The following UNCX variants were observed in gnomAD, a reference collection of about 807,000 sequenced individuals.
The protein encoded by UNCX is UNC homeobox.
A neutral mutation model predicts 14.8 loss-of-function variants in UNCX; 4 were observed. The observed-to-expected ratio is 0.27, with a 90% CI of 0.13 to 0.62. The LOEUF (loss-of-function observed/expected upper bound fraction) is 0.62. UNCX is among the 20% of genes least tolerant of loss of function. The pLI is 0.86. For missense variants in UNCX, 749 were observed against 786.8 expected (o/e 0.95, Z 0.58); for synonymous variants, 459 against 395.8 (o/e 1.16, Z -1.90).
At position 1,235,623 on chromosome 7, in the gene UNCX, G is replaced by A. The variant is rs992724801; in HGVS notation, c.451-209G>A. Among the ~76,000 whole-genome samples the A allele has an allele frequency of 3.3e-5, 5 of 152,370 alleles. No individual in the cohort carries two copies. In the East Asian group the frequency reaches 9.7e-4, roughly 29 times the overall value. ...AAGCTGGCCGAGAGGCCCCGTCTAC[G>A]CGCCTTCCGGGTGGAAAAGGCGCTC... On this transcript the variant is annotated intron_variant, in intron 2 of 2. Coordinates refer to ENST00000316333, the MANE Select transcript of UNCX (RefSeq NM_001080461.3).
At chr7:1,234,514 G>C (rs2128272516) in intron 2 of UNCX, among the ~76,000 whole-genome samples, 1 of 151,940 alleles carries the variant, frequency 6.6e-6, no homozygotes, top group African/African-American at 2.4e-5. Context: ...TGCGGTGTGC[G>C]GTTGTGGGTG....
In UNCX at chr7:1,236,963, C is replaced by G. The variant is rs1175757629; in HGVS notation, c.1582C>G (p.Leu528Val). Residue 528 changes from leucine (L) to valine (V), a missense_variant, in exon 3 of 3, where the codon CTG (leucine) becomes GTG (valine). This residue lies in a region of UNCX where 552 missense variants were observed against 507.2 expected (regional missense o/e 1.09). Transcript: ENST00000316333. The surrounding 1 kb of genome is among the most constrained non-coding windows in gnomAD (Gnocchi z 6.9). ...ACCCAGCCCGCCGGAGGGCGAGGAG[C>G]TGGACATGGACTGAGGCCGCGGCGG... The part of the protein sequence containing the change: ...AGPSPPEGEE[L>V]DMD 1 of 1,198,862 alleles carries G rather than the reference C, an allele frequency of 8.3e-7. No homozygotes were observed. The highest frequency in any genetic ancestry group is 1.0e-6 in the Non-Finnish European group (1 of 966,458). 74.3% of individuals were successfully genotyped at this position (1,198,862 alleles called of 1,614,324 possible). A position where few individuals can be genotyped will look rare whatever the true frequency, so the allele number is the denominator to read the frequency against.
At position 1,236,352 on chromosome 7, in the gene UNCX, CG is replaced by C. The variant is rs1339411514; in HGVS notation, c.975del (p.Leu326CysfsTer47). 1 of 1,311,432 alleles carries C rather than the reference CG, an allele frequency of 7.6e-7. No homozygotes were observed. The highest frequency in any genetic ancestry group is 1.8e-5 in the South Asian group (1 of 55,832). The allele number at this position is 1,311,432 out of a possible 1,614,324, so 81.2% of individuals were successfully genotyped here. ...GTGGCGGCGGTGGAGCGCGGCGCCG[CG>C]GGGCTGCCCAAGGCCAGCCCATTCA... ...AAVAAVERGA[A>X]GLPKASPFSV... On this transcript the variant is annotated frameshift_variant, in exon 3 of 3. Transcript: ENST00000316333. LOFTEE classifies it low-confidence loss of function (END_TRUNC). The surrounding 1 kb of genome is among the most constrained non-coding windows in gnomAD (Gnocchi z 6.9).
Position 1,237,001 on chromosome 7 carries a change from C to T in UNCX, c.*24C>T. On this transcript the variant is annotated 3_prime_UTR_variant, in exon 3 of 3. Transcript: ENST00000316333. This position sits in a 1 kb window ranked among gnomAD's most constrained non-coding sequence, Gnocchi z 5.8. ...GAGGCCGCGGCGGCCGGGAGAGGCG[C>T]GTAGCCGGCCCGCGGCCGCTCGCTC... 2 of 1,173,362 alleles carry T rather than the reference C, an allele frequency of 1.7e-6. No homozygotes were observed. Among genetic ancestry groups the T allele is most frequent in the Non-Finnish European group, 2.1e-6 (2 of 950,014 alleles). The allele number at this position is 1,173,362 out of a possible 1,614,324, so 72.7% of individuals were successfully genotyped here. A position where few individuals can be genotyped will look rare whatever the true frequency, so the allele number is the denominator to read the frequency against.
Position 1,232,939 on chromosome 7 carries a change from G to T in UNCX, c.-79G>T. On this transcript the variant is annotated 5_prime_UTR_variant, in exon 1 of 3. Transcript: ENST00000316333. ...CCCTGTCTCCGCCGCCGCCGCCCGCGCCTCCCGCCGCTGGCCCGCCCCGGC... is the reference window on the plus strand; with the variant it reads ...CCCTGTCTCCGCCGCCGCCGCCCGCTCCTCCCGCCGCTGGCCCGCCCCGGC... 1 of 746,128 alleles carries T rather than the reference G, an allele frequency of 1.3e-6. No homozygotes were observed. Among genetic ancestry groups the T allele is most frequent in the Non-Finnish European group, 1.6e-6 (1 of 614,488 alleles). The allele number at this position is 746,128 out of a possible 1,614,324, so 46.2% of individuals were successfully genotyped here.
chr7:1,236,347 C>A lies in UNCX; in HGVS notation c.966C>A (p.Gly322=). The change falls in exon 3 of 3, where the codon GGC becomes GGA. Residue 322 remains glycine (G), a synonymous_variant. Transcript: ENST00000316333. The surrounding 1 kb of genome is among the most constrained non-coding windows in gnomAD (Gnocchi z 6.9). ...CCGCTGTGGCGGCGGTGGAGCGCGG[C>A]GCCGCGGGGCTGCCCAAGGCCAGCC... is the stretch of plus-strand genomic sequence containing the variant. ...PGAAVAAVER[G]AAGLPKASPF... 7.7e-7 allele frequency: 1 copy of A among 1,299,982 alleles called. No homozygotes were observed. The highest frequency in any genetic ancestry group is 9.8e-7 in the Non-Finnish European group (1 of 1,023,506). The allele number at this position is 1,299,982 out of a possible 1,614,324, so 80.5% of individuals were successfully genotyped here.
chr7:1,236,312 G>T lies in UNCX; in HGVS notation c.931G>T (p.Gly311Trp), dbSNP rs756686299. The T allele has an allele frequency of 7.7e-7, 1 of 1,291,668 alleles. No homozygotes were observed. The highest frequency in any genetic ancestry group is 2.0e-5 in the South Asian group (1 of 50,210). The allele number at this position is 1,291,668 out of a possible 1,614,324, so 80.0% of individuals were successfully genotyped here. A position where few individuals can be genotyped will look rare whatever the true frequency, so the allele number is the denominator to read the frequency against. The part of the protein sequence containing the change: ...RPADKDAASC[G>W]PGAAVAAVER... The stretch of plus-strand genomic sequence containing the variant: ...TGCGGACAAGGACGCGGCCTCGTGC[G>T]GGCCAGGGGCCGCTGTGGCGGCGGT... The change falls in exon 3 of 3, where the codon GGG (glycine) becomes TGG (tryptophan). Residue 311 changes from glycine to tryptophan, a missense_variant. Physicochemically the swap from Gly to Trp is radical, Grantham distance 184. Around this residue, in one of 3 missense-constraint regions of UNCX, gnomAD observed 552 missense variants for 507.2 expected, o/e 1.09. Coordinates refer to ENST00000316333, the MANE Select transcript of UNCX (RefSeq NM_001080461.3). The surrounding 1 kb of genome is among the most constrained non-coding windows in gnomAD (Gnocchi z 6.9).
At chr7:1,234,413 C>T (rs1778703892) in intron 2 of UNCX, among the ~76,000 whole-genome samples, 1 of 151,900 alleles carries the variant, frequency 6.6e-6, no homozygotes, top group Admixed American at 6.6e-5. Context: ...ATTAAAAATT[C>T]CAAGATGATT....
At chr7:1,234,926 T>G (rs1437607285) in intron 2 of UNCX, among the ~76,000 whole-genome samples, 1 of 151,990 alleles carries the variant, frequency 6.6e-6, no homozygotes, top group Non-Finnish European at 1.5e-5. Flanking sequence ...CGCGCCCTCC[T>G]GGGGAGGGCA....
Position 1,233,259 on chromosome 7 carries a change from TCGGCGGGGA to T in UNCX, c.247_255del (p.Gly83_Gly85del). The T allele has an allele frequency of 7.4e-7, 1 of 1,348,110 alleles. No homozygotes were observed. Among genetic ancestry groups the T allele is most frequent in the Non-Finnish European group, 9.5e-7 (1 of 1,057,134 alleles). 83.5% of individuals were successfully genotyped at this position (1,348,110 alleles called of 1,614,324 possible). Reference sequence around the variant, plus strand: ...CCGCTGCTGCCAGCCGCCTGCGGGGTCGGCGGGGACGGCCAGCCCTTCAAGCTGTCAGGT... The same window carrying T: ...CCGCTGCTGCCAGCCGCCTGCGGGGTCGGCCAGCCCTTCAAGCTGTCAGGT... On this transcript the variant is annotated inframe_deletion, in exon 1 of 3. Coordinates refer to ENST00000316333, the MANE Select transcript of UNCX (RefSeq NM_001080461.3). The surrounding 1 kb of genome is among the most constrained non-coding windows in gnomAD (Gnocchi z 5.3).
At chr7:1,235,132 A>T (rs1343955913) in intron 2 of UNCX, among the ~76,000 whole-genome samples, 1 of 151,840 alleles carries the variant, frequency 6.6e-6, no homozygotes, top group Non-Finnish European at 1.5e-5. Context: ...TTGCCTCCCC[A>T]CCTGCCTTGG....
chr7:1,234,787 G>A, intron 2 of UNCX, among the ~76,000 whole-genome samples: 1 of 147,716 alleles, frequency 6.8e-6, no homozygotes, highest in Non-Finnish European at 1.5e-5. Flanking sequence ...GAAGGAAAAG[G>A]CGGTTACAGC....
At position 1,236,608 on chromosome 7, in the gene UNCX, G is replaced by A. The variant is rs1307026282; in HGVS notation, c.1227G>A (p.Ala409=). 4 of 1,102,194 alleles carry A rather than the reference G, an allele frequency of 3.6e-6. No homozygotes were observed. The African/African-American group carries it at 5.1e-5, about 14-fold the overall frequency. The allele number at this position is 1,102,194 out of a possible 1,614,324, so 68.3% of individuals were successfully genotyped here. The change falls in exon 3 of 3, where the codon GCG becomes GCA. Residue 409 remains alanine (A), a synonymous_variant. Transcript: ENST00000316333. This position sits in a 1 kb window ranked among gnomAD's most constrained non-coding sequence, Gnocchi z 6.9. The part of the protein sequence containing the change: ...GAGLEPAPKD[A]PPAPAVPPAP... ...GCCTGGAGCCGGCGCCCAAGGACGC[G>A]CCGCCCGCGCCCGCCGTGCCGCCCG...
In UNCX at chr7:1,236,576, G is replaced by T; in HGVS notation, c.1195G>T (p.Gly399Cys). The change falls in exon 3 of 3, where the codon GGC (glycine) becomes TGC (cysteine). Residue 399 changes from glycine (G) to cysteine (C), a missense_variant. Transcript: ENST00000316333. This position sits in a 1 kb window ranked among gnomAD's most constrained non-coding sequence, Gnocchi z 6.9. The stretch of plus-strand genomic sequence containing the variant: ...GGTGCCGCAGGCCGCGCTCAAGGGC[G>T]GCGCGGGCCTGGAGCCGGCGCCCAA... ...FLVPQAALKG[G>C]AGLEPAPKDA... The T allele has an allele frequency of 7.7e-7, 1 of 1,304,158 alleles. No homozygotes were observed. The highest frequency in any genetic ancestry group is 9.8e-7 in the Non-Finnish European group (1 of 1,015,742). 80.8% of individuals were successfully genotyped at this position (1,304,158 alleles called of 1,614,324 possible). A position where few individuals can be genotyped will look rare whatever the true frequency, so the allele number is the denominator to read the frequency against.
intron 2 of UNCX, among the ~76,000 whole-genome samples, chr7:1,234,046 G>C (rs1350277520): frequency 6.6e-6 from 1 of 152,202 alleles, no homozygotes; most frequent in Non-Finnish European, 1.5e-5. Flanking sequence ...GGGCCGGCTT[G>C]GCTCCGACCC....
Position 1,236,451 on chromosome 7 carries a change from C to A in UNCX, c.1070C>A (p.Ala357Glu). 7.4e-7 allele frequency: 1 copy of A among 1,352,010 alleles called. No homozygotes were observed. Among genetic ancestry groups the A allele is most frequent in the Non-Finnish European group, 9.5e-7 (1 of 1,054,676 alleles). The allele number at this position is 1,352,010 out of a possible 1,614,324, so 83.8% of individuals were successfully genotyped here. Residue 357 changes from alanine to glutamate, a missense_variant, in exon 3 of 3, where the codon GCG becomes GAG. Around this residue, in one of 3 missense-constraint regions of UNCX, gnomAD observed 552 missense variants for 507.2 expected, o/e 1.09. Transcript: ENST00000316333. This position sits in a 1 kb window ranked among gnomAD's most constrained non-coding sequence, Gnocchi z 6.9. Reference sequence around the variant, plus strand: ...TCCAACGCCGCCGCCGCCGCCGCCGCGGGGCTGGACTTCGCGCCCGGGCTG... The same window carrying A: ...TCCAACGCCGCCGCCGCCGCCGCCGAGGGGCTGGACTTCGCGCCCGGGCTG... ...AASNAAAAAA[A>E]GLDFAPGLPC...
At chr7:1,234,469 C>T (rs1778704419) in intron 2 of UNCX, among the ~76,000 whole-genome samples, 6 of 151,888 alleles carry the variant, frequency 4.0e-5, no homozygotes, top group Admixed American at 3.9e-4. Flanking sequence ...TCCTCTTTTT[C>T]TGCGGTGGGT....
chr7:1,236,265 C>A lies in UNCX; in HGVS notation c.884C>A (p.Pro295Gln), dbSNP rs1405183086. The A allele has an allele frequency of 7.2e-7, 1 of 1,380,196 alleles. No individual in the cohort carries two copies. Among genetic ancestry groups the A allele is most frequent in the Non-Finnish European group, 9.4e-7 (1 of 1,060,082 alleles). The allele number at this position is 1,380,196 out of a possible 1,614,324, so 85.5% of individuals were successfully genotyped here. A position where few individuals can be genotyped will look rare whatever the true frequency, so the allele number is the denominator to read the frequency against. ...FYPSQRSGAG[P>Q]QPRPGRPADK... The stretch of plus-strand genomic sequence containing the variant: ...CCGAGCCAAAGAAGCGGCGCCGGCC[C>A]ACAGCCGCGCCCAGGTCGCCCTGCG... Residue 295 changes from proline to glutamine, a missense_variant, in exon 3 of 3, where the codon CCA becomes CAA. Around this residue, in one of 3 missense-constraint regions of UNCX, gnomAD observed 552 missense variants for 507.2 expected, o/e 1.09. Transcript: ENST00000316333. This position sits in a 1 kb window ranked among gnomAD's most constrained non-coding sequence, Gnocchi z 6.9.
At position 1,237,154 on chromosome 7, in the gene UNCX, C is replaced by T. The variant is rs2128273104; in HGVS notation, c.*177C>T. On this transcript the variant is annotated 3_prime_UTR_variant, in exon 3 of 3. Transcript: ENST00000316333. This position sits in a 1 kb window ranked among gnomAD's most constrained non-coding sequence, Gnocchi z 5.8. Reference sequence around the variant, plus strand: ...CGAAAGTGCTGTATGAATTCGGACCCAGGCAGCAACCACAGGACTGGGGGT... The same window carrying T: ...CGAAAGTGCTGTATGAATTCGGACCTAGGCAGCAACCACAGGACTGGGGGT... 2.0e-6 allele frequency: 1 copy of T among 493,872 alleles called. No homozygotes were observed. The highest frequency in any genetic ancestry group is 8.1e-5 in the East Asian group (1 of 12,328). The allele number at this position is 493,872 out of a possible 1,614,324, so 30.6% of individuals were successfully genotyped here. A position where few individuals can be genotyped will look rare whatever the true frequency, so the allele number is the denominator to read the frequency against.
Sources: gnomAD v4.1 joint callset for allele counts (sites outside exome capture counted in the v4.1 genomes callset) on GRCh38, gnomAD v4.1.1 for gene constraint, gnomAD v4.1.1 regional missense constraint, Gnocchi (gnomAD v3.1) non-coding constraint, MANE v1.5 for transcripts, NCBI Gene and HGNC (gene_info 2026-07-23, HGNC 2026-07-21) for gene names.